HHAT: variants seen among roughly 807,000 people sequenced by gnomAD.
HHAT encodes the protein protein-cysteine N-palmitoyltransferase HHAT.
HHAT carries 47 observed loss-of-function variants against 70.8 expected under a neutral mutation model. That is an observed-to-expected ratio of 0.66 (90% CI 0.53 to 0.85). The LOEUF (loss-of-function observed/expected upper bound fraction) is 0.85. HHAT is among the 40% of genes least tolerant of loss of function. The pLI is 0.00. For missense variants in HHAT, 609 were observed against 604.8 expected, an observed-to-expected ratio of 1.01 and a Z score of -0.07; for synonymous variants, 228 against 247.6, an observed-to-expected ratio of 0.92 and a Z score of 0.74.
intron 3 of HHAT, among the ~76,000 whole-genome samples, chr1:210,372,599 T>G (rs1333292423): frequency 6.6e-6 from 1 of 152,196 alleles, no homozygotes; most frequent in Admixed American, 6.5e-5. Context: ...TTGTCTGTCT[T>G]TAGGTACTCC....
intron 4 of HHAT, among the ~76,000 whole-genome samples, chr1:210,397,068 G>A (rs967365072): frequency 6.7e-6 from 1 of 148,712 alleles, no homozygotes; most frequent in African/African-American, 2.5e-5. Flanking sequence ...AATAAGTTTG[G>A]TGCATTGCAG....
intron 8 of HHAT, among the ~76,000 whole-genome samples, chr1:210,512,111 T>C (rs1359293290): frequency 2.0e-5 from 3 of 152,070 alleles, no homozygotes; most frequent in Non-Finnish European, 4.4e-5. Flanking sequence ...GGGTCTGCCA[T>C]AGCCCAGCGC....
chr1:210,344,547 GGGGGCTCTGAATCT>G (rs2086336822), intron 1 of HHAT, among the ~76,000 whole-genome samples: 1 of 152,176 alleles, frequency 6.6e-6, no homozygotes, highest in South Asian at 2.1e-4. Flanking sequence ...GTCCAAGGCA[GGGGGCTCTGAATCT>G]AGTCCCTTTT....
chr1:210,420,888 C>T (rs2092881873), intron 7 of HHAT, among the ~76,000 whole-genome samples: 1 of 151,870 alleles, frequency 6.6e-6, no homozygotes, highest in Non-Finnish European at 1.5e-5. Context: ...AGTCACTATC[C>T]AGAGTTTGTC....
chr1:210,361,453 G>C (rs2088304653), intron 2 of HHAT, among the ~76,000 whole-genome samples: 1 of 152,138 alleles, frequency 6.6e-6, no homozygotes, highest in South Asian at 2.1e-4. Flanking sequence ...GGCTCCTGGA[G>C]GTGTGCGGTG....
At chr1:210,571,997 G>T (rs1656395762) in intron 9 of HHAT, among the ~76,000 whole-genome samples, 1 of 152,134 alleles carries the variant, frequency 6.6e-6, no homozygotes, top group East Asian at 1.9e-4. Context: ...AGCCCTGACT[G>T]CATTAAGAGA....
At chr1:210,624,817 TAAAAG>T (rs1054299415) in intron 11 of HHAT, among the ~76,000 whole-genome samples, 1 of 152,218 alleles carries the variant, frequency 6.6e-6, no homozygotes, top group Non-Finnish European at 1.5e-5. Flanking sequence ...TGCTACATCT[TAAAAG>T]AGAAGATCCC....
intron 9 of HHAT, among the ~76,000 whole-genome samples, chr1:210,546,023 A>AT (rs1422944754): frequency 6.6e-6 from 1 of 152,148 alleles, no homozygotes; most frequent in Non-Finnish European, 1.5e-5. Context: ...TGTTCATGCT[A>AT]TTTTCATACT....
chr1:210,410,264 G>A (rs1410693107), intron 6 of HHAT, among the ~76,000 whole-genome samples: 2 of 151,428 alleles, frequency 1.3e-5, no homozygotes, highest in Non-Finnish European at 2.9e-5. Flanking sequence ...CATCGTGTTA[G>A]CCAGAATGGT....
intron 11 of HHAT, among the ~76,000 whole-genome samples, chr1:210,626,223 G>A (rs980283623): frequency 3.3e-5 from 5 of 152,206 alleles, no homozygotes; most frequent in African/African-American, 4.8e-5. Flanking sequence ...AAGGCAGGAA[G>A]ATCAAAGTGT....
At chr1:210,329,571 G>A in intron 1 of HHAT, 1 of 753,086 alleles carries the variant, frequency 1.3e-6, no homozygotes, top group Non-Finnish European at 1.6e-6. Context: ...GTCTTTATGC[G>A]GAAAAACCCT....
At chr1:210,361,364 T>C (rs1391442560) in intron 2 of HHAT, among the ~76,000 whole-genome samples, 1 of 152,186 alleles carries the variant, frequency 6.6e-6, no homozygotes, top group African/African-American at 2.4e-5. Flanking sequence ...CGTGCAGCTG[T>C]CACAGAGAGG....
chr1:210,475,426 T>C (rs904799814), intron 8 of HHAT, among the ~76,000 whole-genome samples: 1 of 152,188 alleles, frequency 6.6e-6, no homozygotes, highest in Admixed American at 6.5e-5. Context: ...CCCTGTGTTT[T>C]TGTGGGATGC....
At chr1:210,566,136 A>T (rs940595911) in intron 9 of HHAT, among the ~76,000 whole-genome samples, 1 of 152,242 alleles carries the variant, frequency 6.6e-6, no homozygotes, top group African/African-American at 2.4e-5. Flanking sequence ...GTTCACAAAC[A>T]TGACCCTGAA....
intron 3 of HHAT, among the ~76,000 whole-genome samples, chr1:210,368,109 T>G (rs1230106343): frequency 6.6e-6 from 1 of 152,118 alleles, no homozygotes; most frequent in Non-Finnish European, 1.5e-5. Flanking sequence ...GTAAACATGT[T>G]TCTAGACAGT....
chr1:210,616,052 A>T (rs1667657785), intron 10 of HHAT, among the ~76,000 whole-genome samples: 1 of 152,168 alleles, frequency 6.6e-6, no homozygotes, highest in South Asian at 2.1e-4. Context: ...CCATCTTGGA[A>T]CTGCCCCCCA....
intron 9 of HHAT, among the ~76,000 whole-genome samples, chr1:210,570,137 G>C (rs1655886444): frequency 6.6e-6 from 1 of 152,194 alleles, no homozygotes; most frequent in African/African-American, 2.4e-5. Flanking sequence ...TTTGTTCCTA[G>C]AAACTTGCAC....
Position 210,515,554 on chromosome 1 carries a change from G to A in HHAT, c.1043+2366G>A, listed in dbSNP as rs542322513. Among the ~76,000 whole-genome samples, 5 of 149,512 alleles carry A rather than the reference G, an allele frequency of 3.3e-5. No individual in the cohort carries two copies. The East Asian group carries it at 6.1e-4, about 18-fold the overall frequency. On this transcript the variant is annotated intron_variant, in intron 9 of 11. Coordinates refer to ENST00000261458, the MANE Select transcript of HHAT (RefSeq NM_018194.6). ...AGGTGGATCATGAGGTCAGGAGATCGAGACCATCCTGGCTAACACGGTGAA... is the reference window on the plus strand; with the variant it reads ...AGGTGGATCATGAGGTCAGGAGATCAAGACCATCCTGGCTAACACGGTGAA...
chr1:210,474,538 C>G (rs1433781294), intron 8 of HHAT, among the ~76,000 whole-genome samples: 1 of 152,168 alleles, frequency 6.6e-6, no homozygotes, highest in East Asian at 1.9e-4. Context: ...TTATGGTGAT[C>G]ATAAAATGCT....
Sources: allele counts gnomAD v4.1 joint callset (sites outside exome capture counted in the v4.1 genomes callset), GRCh38; gene constraint gnomAD v4.1.1; transcripts MANE v1.5; gene names NCBI Gene and HGNC (gene_info 2026-07-23, HGNC 2026-07-21).